The following KHDRBS3 variants were observed in gnomAD, a reference collection of about 807,000 sequenced individuals.
KHDRBS3 encodes the protein KH domain-containing, RNA-binding, signal transduction-associated protein 3.
In KHDRBS3, 23 loss-of-function variants were observed where a neutral mutation model predicts 45.6. The ratio of observed to expected loss-of-function variants is 0.50; its 90% CI spans 0.36 to 0.72. KHDRBS3 has a LOEUF of 0.72. Ranked by LOEUF, KHDRBS3 falls within the 30% of genes least tolerant of loss-of-function variation. KHDRBS3 has a pLI of 0.00. For synonymous variants in KHDRBS3, 162 were observed against 156.5 expected, an observed-to-expected ratio of 1.04 and a Z score of -0.26; for missense variants, 352 against 424.8, an observed-to-expected ratio of 0.83 and a Z score of 1.51.
intron 1 of KHDRBS3, among the ~76,000 whole-genome samples, chr8:135,491,405 C>T (rs893688357): frequency 6.6e-6 from 1 of 150,656 alleles, no homozygotes; most frequent in Non-Finnish European, 1.5e-5. Flanking sequence ...AGCCCCCACA[C>T]CAAAAAAAAG....
At position 135,583,533 on chromosome 8, in the gene KHDRBS3, G is replaced by A. The variant is rs547810854; in HGVS notation, c.807+1460G>A. On this transcript the variant is annotated intron_variant, in intron 6 of 8. Transcript: ENST00000355849. ...CACTTTGGCTTACATTGATTTCTTA[G>A]GTTTAGATTTAATACAGATGTGGTT... is the stretch of plus-strand genomic sequence containing the variant. 5.9e-5 allele frequency among the ~76,000 whole-genome samples: 9 copies of A among 152,186 alleles called. No individual in the cohort carries two copies. In the South Asian group the frequency reaches 1.9e-3, roughly 32 times the overall value.
At chr8:135,498,080 T>C (rs1211209704) in intron 1 of KHDRBS3, among the ~76,000 whole-genome samples, 2 of 152,052 alleles carry the variant, frequency 1.3e-5, no homozygotes, top group Admixed American at 1.3e-4. Flanking sequence ...GGATGATGCA[T>C]GGCTCTGTAT....
chr8:135,470,782 C>T (rs1821978374), intron 1 of KHDRBS3, among the ~76,000 whole-genome samples: 1 of 152,102 alleles, frequency 6.6e-6, no homozygotes, highest in Non-Finnish European at 1.5e-5. Context: ...GACGAAGTTT[C>T]ACCATGTTGG....
intron 7 of KHDRBS3, among the ~76,000 whole-genome samples, chr8:135,640,124 G>C (rs1830999816): frequency 6.6e-6 from 1 of 152,176 alleles, no homozygotes; most frequent in Non-Finnish European, 1.5e-5. Flanking sequence ...AGAGGGTGCA[G>C]TGACAGAATT....
In KHDRBS3 at chr8:135,557,445, T is replaced by A; in HGVS notation, c.472-3T>A. On this transcript the variant is annotated splice_region_variant and splice_polypyrimidine_tract_variant and intron_variant, in intron 4 of 8. Transcript: ENST00000355849. ...ATTTTGCTATCTTCTGTCTTTTGTG[T>A]AGGATTATAATGATGAGATCAGGCA... 6.3e-7 allele frequency: 1 copy of A among 1,595,598 alleles called. No individual in the cohort carries two copies. Among genetic ancestry groups the A allele is most frequent in the Non-Finnish European group, 8.5e-7 (1 of 1,169,902 alleles).
At chr8:135,477,311 C>T (rs1046846019) in intron 1 of KHDRBS3, among the ~76,000 whole-genome samples, 1 of 152,088 alleles carries the variant, frequency 6.6e-6, no homozygotes, top group Admixed American at 6.5e-5. Flanking sequence ...GACTTCAAAA[C>T]CTGTGCTTTT....
chr8:135,591,755 C>T (rs1314427846), intron 6 of KHDRBS3, among the ~76,000 whole-genome samples: 1 of 152,130 alleles, frequency 6.6e-6, no homozygotes, highest in African/African-American at 2.4e-5. Flanking sequence ...GTGAAGTCAT[C>T]CTTCTCACTT....
intron 2 of KHDRBS3, among the ~76,000 whole-genome samples, chr8:135,531,935 A>G (rs1825500131): frequency 6.6e-6 from 1 of 152,180 alleles, no homozygotes; most frequent in Non-Finnish European, 1.5e-5. Context: ...TAAACACCTA[A>G]ACACAAGTTT....
At chr8:135,642,170 G>C (rs187727846) in intron 7 of KHDRBS3, among the ~76,000 whole-genome samples, 2 of 152,208 alleles carry the variant, frequency 1.3e-5, no homozygotes, top group African/African-American at 4.8e-5. Context: ...GAAGAGCAAA[G>C]GCCATGTCAA....
intron 1 of KHDRBS3, among the ~76,000 whole-genome samples, chr8:135,519,799 A>T (rs1455969087): frequency 6.6e-6 from 1 of 152,196 alleles, no homozygotes; most frequent in Admixed American, 6.5e-5. Context: ...ATAGACAATC[A>T]TTTAGTTCGA....
chr8:135,616,580 G>A (rs942077050), intron 7 of KHDRBS3, among the ~76,000 whole-genome samples: 6 of 152,132 alleles, frequency 3.9e-5, no homozygotes, highest in Non-Finnish European at 5.9e-5. Flanking sequence ...TGGATTTAGC[G>A]CTGCCATCTG....
intron 5 of KHDRBS3, among the ~76,000 whole-genome samples, chr8:135,570,899 T>A (rs1318434802): frequency 6.6e-6 from 1 of 152,198 alleles, no homozygotes; most frequent in East Asian, 1.9e-4. Context: ...TGATGGTGTG[T>A]TAATGAGCAA....
At chr8:135,515,266 T>G (rs1438088414) in intron 1 of KHDRBS3, among the ~76,000 whole-genome samples, 1 of 146,550 alleles carries the variant, frequency 6.8e-6, no homozygotes, top group Non-Finnish European at 1.5e-5. Flanking sequence ...CTGGGGAGGC[T>G]GAGGTAGGAG....
chr8:135,556,252 G>T (rs988561999), intron 4 of KHDRBS3, among the ~76,000 whole-genome samples: 9 of 152,200 alleles, frequency 5.9e-5, no homozygotes, highest in Non-Finnish European at 1.2e-4. Context: ...TATATGCCCA[G>T]TAATGGGATT....
chr8:135,558,171 A>C (rs1224944094), intron 5 of KHDRBS3, among the ~76,000 whole-genome samples: 1 of 152,158 alleles, frequency 6.6e-6, no homozygotes, highest in Non-Finnish European at 1.5e-5. Context: ...GCTTGTTGTA[A>C]TTTTATTCAC....
chr8:135,533,936 A>G (rs1825605031), intron 2 of KHDRBS3, among the ~76,000 whole-genome samples: 1 of 152,198 alleles, frequency 6.6e-6, no homozygotes, highest in African/African-American at 2.4e-5. Flanking sequence ...AATTTATCAA[A>G]TATTGAACTG....
chr8:135,593,981 G>A (rs1344950057), intron 6 of KHDRBS3, among the ~76,000 whole-genome samples: 4 of 152,188 alleles, frequency 2.6e-5, no homozygotes, highest in South Asian at 2.1e-4. Flanking sequence ...AGAGGACTCT[G>A]CGCAGACTCG....
intron 1 of KHDRBS3, among the ~76,000 whole-genome samples, chr8:135,511,021 C>A (rs1359676970): frequency 1.3e-5 from 2 of 152,198 alleles, no homozygotes; most frequent in Non-Finnish European, 2.9e-5. Context: ...ATAGGCATTT[C>A]TTTTGATACT....
intron 4 of KHDRBS3, among the ~76,000 whole-genome samples, chr8:135,551,470 G>T (rs950226011): frequency 1.3e-5 from 2 of 152,056 alleles, no homozygotes; most frequent in Non-Finnish European, 2.9e-5. Flanking sequence ...ATAAACATGG[G>T]TATTGAATTT....
Sources: gnomAD v4.1 joint callset for allele counts (sites outside exome capture counted in the v4.1 genomes callset) on GRCh38, gnomAD v4.1.1 for gene constraint, MANE v1.5 for transcripts, NCBI Gene and HGNC (gene_info 2026-07-23, HGNC 2026-07-21) for gene names.